MAP9: variants seen among roughly 807,000 people sequenced by gnomAD.
MAP9 encodes microtubule-associated protein 9.
A neutral mutation model predicts 75.2 loss-of-function variants in MAP9; 80 were observed. The observed-to-expected ratio is 1.06, with a 90% CI of 0.89 to 1.28. The LOEUF is 1.28. MAP9 is among the 50% of genes most tolerant of loss of function. The probability of loss-of-function intolerance (pLI) is 0.00; values close to 1 mark genes in which losing one functional copy is unlikely to be tolerated. For synonymous variants in MAP9, 235 were observed against 237.3 expected (o/e 0.99, Z 0.09); for missense variants, 753 against 719.9 (o/e 1.05, Z -0.53).
At position 155,357,471 on chromosome 4, in the gene MAP9, T is replaced by C. The variant is rs1276003268; in HGVS notation, c.1099A>G (p.Arg367Gly). ...NIKNKKSTNN[R>G]ASSASARLMT... Reference sequence around the variant, plus strand: ...TACCTGGCAGATGCACTGGATGCTCTATTATTTGTTGACTTTTTATTCTTT... The same window carrying C: ...TACCTGGCAGATGCACTGGATGCTCCATTATTTGTTGACTTTTTATTCTTT... The change falls in exon 8 of 14, where the codon AGA becomes GGA. Residue 367 changes from arginine to glycine, a missense_variant. Arg to Gly is a moderately radical substitution (Grantham distance 125, BLOSUM62 -2). Coordinates refer to ENST00000311277, the MANE Select transcript of MAP9 (RefSeq NM_001039580.2). 4 of 1,560,818 alleles carry C rather than the reference T, an allele frequency of 2.6e-6. No homozygotes were observed. The Admixed American group carries it at 5.0e-5, about 20-fold the overall frequency.
Position 155,373,259 on chromosome 4 carries a change from C to CAA in MAP9, c.357_358insTT (p.Gly120LeufsTer8). 1 of 1,613,454 alleles carries CAA rather than the reference C, an allele frequency of 6.2e-7. No homozygotes were observed. The highest frequency in any genetic ancestry group is 8.5e-7 in the Non-Finnish European group (1 of 1,179,550). ...GATTTTACAACAATGTCTTCACACC[C>CAA]ATCAGGTGCCATTTCCTCTTCATTT... is the stretch of plus-strand genomic sequence containing the variant. On this transcript the variant is annotated frameshift_variant, in exon 4 of 14. Coordinates refer to ENST00000311277, the MANE Select transcript of MAP9 (RefSeq NM_001039580.2). LOFTEE classifies it high-confidence loss of function.
At chr4:155,359,850 C>T (rs544523936) in intron 7 of MAP9, among the ~76,000 whole-genome samples, 2 of 152,030 alleles carry the variant, frequency 1.3e-5, no homozygotes, top group South Asian at 4.2e-4. Flanking sequence ...TTATTCCAGA[C>T]AGTTATATTT....
intron 8 of MAP9, 126 bp from the exon 9 acceptor site, chr4:155,356,010 C>T: frequency 1.2e-6 from 1 of 866,412 alleles, no homozygotes; most frequent in Non-Finnish European, 1.7e-6. Context: ...CCTGTAATCC[C>T]AGCACTTTGG....
intron 10 of MAP9, among the ~76,000 whole-genome samples, 162 bp downstream of exon 10, chr4:155,354,909 A>T (rs1731696694): frequency 6.6e-6 from 1 of 152,232 alleles, no homozygotes; most frequent in Non-Finnish European, 1.5e-5. Context: ...AGTTATATCA[A>T]ACTAAAATGT....
rs1261254219 is a variant in MAP9, at chr4:155,345,282, AAT to A, written c.*2499_*2500del. On this transcript the variant is annotated 3_prime_UTR_variant, in exon 14 of 14. Transcript: ENST00000311277. ...GTGCAGGTTGCTGTAAACAGGAAAT[AAT>A]ATGTTATTTATCATAGTAAGACAAA... is the stretch of plus-strand genomic sequence containing the variant. 6.6e-6 allele frequency: 1 copy of A among 152,048 alleles called. No homozygotes were observed. Among genetic ancestry groups the A allele is most frequent in the Non-Finnish European group, 1.5e-5 (1 of 67,942 alleles). The allele number at this position is 152,048 out of a possible 1,614,324, so 9.4% of individuals were successfully genotyped here.
At chr4:155,374,112 G>A (rs12649208) in intron 3 of MAP9, among the ~76,000 whole-genome samples, 11,739 of 152,136 alleles carry the variant, frequency 0.077, 1,019 homozygotes, top group East Asian at 0.42. Flanking sequence ...AGGCTGAGGC[G>A]GGCGGATCAC....
At chr4:155,361,582 C>T (rs1327189667) in intron 6 of MAP9, among the ~76,000 whole-genome samples, 2 of 151,988 alleles carry the variant, frequency 1.3e-5, no homozygotes, top group African/African-American at 4.8e-5. Context: ...GCAAATTACT[C>T]TTATTTTACC....
chr4:155,349,331 A>G (rs1015247449), intron 13 of MAP9: 7 of 152,232 alleles, frequency 4.6e-5, no homozygotes, highest in Admixed American at 3.9e-4. Flanking sequence ...TGCTAACACT[A>G]TAAGGTTTGG....
chr4:155,355,789 A>G lies in MAP9; in HGVS notation c.1217T>C (p.Leu406Ser). The G allele has an allele frequency of 6.2e-7, 1 of 1,613,968 alleles. No homozygotes were observed. Among genetic ancestry groups the G allele is most frequent in the Non-Finnish European group, 8.5e-7 (1 of 1,179,928 alleles). The change falls in exon 9 of 14, where the codon TTG (leucine) becomes TCG (serine). Residue 406 changes from leucine (L) to serine (S), a missense_variant. Leu to Ser is a moderately radical substitution (Grantham distance 145). Coordinates refer to ENST00000311277, the MANE Select transcript of MAP9 (RefSeq NM_001039580.2). ...SSHYLGTLKV[L>S]DQKPSQKQSI... The stretch of plus-strand genomic sequence containing the variant: ...CTGTTTCTGTGAAGGTTTTTGGTCC[A>G]AGACTTTTAAAGTCCCTAAATAGTG...
intron 5 of MAP9, chr4:155,367,657 A>C (rs1732391346): frequency 6.6e-6 from 1 of 152,240 alleles, no homozygotes. Flanking sequence ...GGTGTCAGTT[A>C]GGCGTATATC....
intron 4 of MAP9, 160 bp from the exon 5 acceptor site, chr4:155,368,972 A>T: frequency 3.4e-6 from 2 of 590,770 alleles, no homozygotes; most frequent in Non-Finnish European, 5.9e-6. Context: ...ACAGAGCTCT[A>T]GTAAGGCACA....
At position 155,362,067 on chromosome 4, in the gene MAP9, C is replaced by T. The variant is rs746383218; in HGVS notation, c.783G>A (p.Glu261=). 19 of 1,600,418 alleles carry T rather than the reference C, an allele frequency of 1.2e-5. No individual in the cohort carries two copies. Among genetic ancestry groups the T allele is most frequent in the African/African-American group, 4.0e-5 (3 of 74,116 alleles). ...ILGDSFSPGS[E]GNASGKDPNE... is the part of the protein sequence containing the mutation. ...AACCACCTTTTCCAGATGCGTTTCC[C>T]TCAGATCCTGGTGAAAAAGAATCTC... Residue 261 remains glutamate, a synonymous_variant, in exon 6 of 14, where the codon GAG becomes GAA. Transcript: ENST00000311277.
Position 155,373,048 on chromosome 4 carries a change from T to C in MAP9, c.481+88A>G, listed in dbSNP as rs1326938678. 4 of 824,220 alleles carry C rather than the reference T, an allele frequency of 4.9e-6. No individual in the cohort carries two copies. In the South Asian group the frequency reaches 8.8e-5, roughly 18 times the overall value. The allele number at this position is 824,220 out of a possible 1,614,324, so 51.1% of individuals were successfully genotyped here. A position where few individuals can be genotyped will look rare whatever the true frequency, so the allele number is the denominator to read the frequency against. ...TAAGTCTGTCTTTTTTTCTTAAATA[T>C]ATACTAGCTACCATATAAAAATTTT... On this transcript the variant is annotated intron_variant, in intron 4 of 13. Transcript: ENST00000311277.
intron 4 of MAP9, among the ~76,000 whole-genome samples, chr4:155,372,061 GCTTAA>G (rs1221982850): frequency 4.6e-5 from 7 of 152,270 alleles, no homozygotes; most frequent in African/African-American, 1.4e-4. Flanking sequence ...GGATACTGAA[GCTTAA>G]CTTATTTGCT....
Position 155,362,049 on chromosome 4 carries a change from T to C in MAP9, c.801A>G (p.Lys267=). ...SPGSEGNASG[K]DPNEEITENH... The stretch of plus-strand genomic sequence containing the variant: ...GATATAATTATTAGATATAACCACC[T>C]TTTCCAGATGCGTTTCCCTCAGATC... Residue 267 remains lysine, a splice_region_variant and synonymous_variant, in exon 6 of 14, where the codon AAA becomes AAG. Coordinates refer to ENST00000311277, the MANE Select transcript of MAP9 (RefSeq NM_001039580.2). 1 of 1,578,448 alleles carries C rather than the reference T, an allele frequency of 6.3e-7. No homozygotes were observed. The highest frequency in any genetic ancestry group is 8.7e-7 in the Non-Finnish European group (1 of 1,156,018).
chr4:155,372,396 A>T (rs931760275), intron 4 of MAP9, among the ~76,000 whole-genome samples: 2 of 152,240 alleles, frequency 1.3e-5, no homozygotes, highest in Non-Finnish European at 2.9e-5. Flanking sequence ...TTAACCTTGC[A>T]TATACAAGTT....
intron 8 of MAP9, 102 bp from the exon 9 acceptor site, chr4:155,355,986 C>CA (rs1365520500): frequency 9.8e-7 from 1 of 1,020,750 alleles, no homozygotes; most frequent in African/African-American, 1.6e-5. Context: ...ACTGGCCAGG[C>CA]ATGATGGCTC....
Position 155,347,611 on chromosome 4 carries a change from CA to C in MAP9, c.*171del, listed in dbSNP as rs1413227536. The C allele has an allele frequency of 2.2e-5, 13 of 596,308 alleles. No individual in the cohort carries two copies. The highest frequency in any genetic ancestry group is 3.0e-5 in the Non-Finnish European group (11 of 365,396). The allele number at this position is 596,308 out of a possible 1,614,324, so 36.9% of individuals were successfully genotyped here. A position where few individuals can be genotyped will look rare whatever the true frequency, so the allele number is the denominator to read the frequency against. On this transcript the variant is annotated 3_prime_UTR_variant, in exon 14 of 14. Transcript: ENST00000311277. ...TGTTTGAGGCAGTTTATCTACAGTT[CA>C]AAAAAATGCTTTCACTGATTACATT...
At chr4:155,353,613 T>A (rs562550203) in intron 10 of MAP9, among the ~76,000 whole-genome samples, 1 of 152,230 alleles carries the variant, frequency 6.6e-6, no homozygotes, top group Non-Finnish European at 1.5e-5. Context: ...TGTCAACTAT[T>A]ATTTTTGAAA....
Sources: gnomAD v4.1 joint callset for allele counts (sites outside exome capture counted in the v4.1 genomes callset) on GRCh38, gnomAD v4.1.1 for gene constraint, MANE v1.5 for transcripts, NCBI Gene and HGNC (gene_info 2026-07-23, HGNC 2026-07-21) for gene names.